ATP2C2: variants seen among roughly 807,000 people sequenced by gnomAD.
ATP2C2 encodes the protein ATPase secretory pathway Ca2+ transporting 2, also known as calcium-transporting ATPase type 2C member 2.
In ATP2C2, 171 loss-of-function variants were observed where a neutral mutation model predicts 110.8. The ratio of observed to expected loss-of-function variants is 1.54; its 90% CI spans 1.36 to 1.75. The LOEUF is 1.75. Ranked by LOEUF, ATP2C2 falls within the 40% of genes most tolerant of loss-of-function variation. The pLI, the probability that ATP2C2 is intolerant of heterozygous loss-of-function variation, is 0.00. For missense variants in ATP2C2, 1,963 were observed against 1,235.0 expected (o/e 1.59, Z -8.84); for synonymous variants, 804 against 508.4 (o/e 1.58, Z -7.82).
intron 15 of ATP2C2, among the ~76,000 whole-genome samples, chr16:84,444,805 C>G (rs1909595880): frequency 1.3e-5 from 2 of 152,222 alleles, no homozygotes. Context: ...GAATACAGAA[C>G]AAACACTGGC....
rs1328851959 is a variant in ATP2C2 at position 84,384,065 on chromosome 16, A to C, written c.100-14434A>C. Among the ~76,000 whole-genome samples the C allele has an allele frequency of 3.3e-5, 5 of 152,156 alleles. No individual in the cohort carries two copies. The East Asian group carries it at 7.7e-4, about 23-fold the overall frequency. On this transcript the variant is annotated intron_variant, in intron 1 of 26. Transcript: ENST00000262429. ...CAGCCTCCCAAAGTGCTGGGATTAT[A>C]GGTGTCAGCCACTGTGCCCAGCCTA...
At chr16:84,403,571 G>A (rs1205449062) in intron 2 of ATP2C2, among the ~76,000 whole-genome samples, 2 of 152,178 alleles carry the variant, frequency 1.3e-5, no homozygotes, top group Non-Finnish European at 2.9e-5. Context: ...ACCTCCTGAA[G>A]TTTTGGGATT....
intron 7 of ATP2C2, 51 bp from the exon 8 acceptor site, chr16:84,422,339 A>G (rs1280031397): frequency 1.3e-6 from 2 of 1,581,652 alleles, no homozygotes; most frequent in Non-Finnish European, 8.6e-7. Context: ...TTTAACACCA[A>G]TTCTCGGGGT....
At chr16:84,383,219 G>A (rs959326889) in intron 1 of ATP2C2, among the ~76,000 whole-genome samples, 1 of 152,228 alleles carries the variant, frequency 6.6e-6, no homozygotes, top group South Asian at 2.1e-4. Context: ...GTGTGAATCA[G>A]TGCCAGGGAG....
intron 1 of ATP2C2, among the ~76,000 whole-genome samples, chr16:84,398,083 T>C (rs9788884): frequency 0.19 from 28,289 of 151,470 alleles, 3,117 homozygotes; most frequent in Non-Finnish European, 0.24. Context: ...ATATGCACAC[T>C]GTGTGTGTGT....
At chr16:84,449,274 A>G (rs1031421366) in intron 17 of ATP2C2, among the ~76,000 whole-genome samples, 1 of 152,206 alleles carries the variant, frequency 6.6e-6, no homozygotes, top group Non-Finnish European at 1.5e-5. Context: ...TTCGGGGAAC[A>G]GAGTTTGTAG....
chr16:84,461,539 C>G (rs1261056014), intron 24 of ATP2C2, 175 bp from the exon 25 acceptor site: 1 of 682,964 alleles, frequency 1.5e-6, no homozygotes, highest in Non-Finnish European at 2.6e-6. Flanking sequence ...GCTGGGGAGA[C>G]CCTGGGGTAG....
intron 1 of ATP2C2, among the ~76,000 whole-genome samples, chr16:84,383,786 G>GTTT (rs753992042): frequency 2.3e-5 from 2 of 85,648 alleles, no homozygotes; most frequent in Non-Finnish European, 5.3e-5. Context: ...TGGTTTTGTT[G>GTTT]GTTTTTTTTT....
intron 26 of ATP2C2, 119 bp downstream of exon 26, chr16:84,462,248 G>GCGGCAGCTGCCAGGTGGGGAGCTGCA: frequency 7.4e-7 from 1 of 1,354,746 alleles, no homozygotes. Flanking sequence ...GCTCACCAGG[G>GCGGCAGCTGCCAGGTGGGGAGCTGCA]GCCGGCTCTG....
At chr16:84,429,182 A>C (rs1298629076) in intron 11 of ATP2C2, among the ~76,000 whole-genome samples, 1 of 151,252 alleles carries the variant, frequency 6.6e-6, no homozygotes, top group Non-Finnish European at 1.5e-5. Context: ...ACAGAGTTTC[A>C]CTCTTGTCGC....
intron 7 of ATP2C2, among the ~76,000 whole-genome samples, chr16:84,420,099 C>T (rs532564148): frequency 1.1e-4 from 17 of 152,292 alleles, no homozygotes; most frequent in Admixed American, 8.5e-4. Context: ...CCTATCTCAT[C>T]CCGGAGGTCT....
chr16:84,447,656 G>T (rs1015469085), intron 16 of ATP2C2, among the ~76,000 whole-genome samples: 2 of 135,736 alleles, frequency 1.5e-5, no homozygotes, highest in African/African-American at 6.3e-5. Flanking sequence ...TATATAATAT[G>T]TAATATATAT....
chr16:84,412,178 C>G (rs1906372995), intron 6 of ATP2C2, among the ~76,000 whole-genome samples: 1 of 152,130 alleles, frequency 6.6e-6, no homozygotes, highest in African/African-American at 2.4e-5. Context: ...GCCACCACAC[C>G]TGACTACTTT....
chr16:84,376,447 T>G (rs1910253726), intron 1 of ATP2C2, among the ~76,000 whole-genome samples: 1 of 152,168 alleles, frequency 6.6e-6, no homozygotes, highest in African/African-American at 2.4e-5. Flanking sequence ...AGACCAAGTG[T>G]GTTCAACCTG....
chr16:84,459,807 C>G (rs1257838266), intron 23 of ATP2C2: 10 of 506,632 alleles, frequency 2.0e-5, no homozygotes, highest in Non-Finnish European at 2.9e-5. Flanking sequence ...TGTGATCTGT[C>G]TCCCCTTTAG....
chr16:84,383,962 G>T (rs947823253), intron 1 of ATP2C2, among the ~76,000 whole-genome samples: 15 of 151,678 alleles, frequency 9.9e-5, no homozygotes, highest in African/African-American at 3.6e-4. Context: ...GCTAATTTTT[G>T]TATTGTTGTA....
chr16:84,420,313 A>T (rs1031525162), intron 7 of ATP2C2, among the ~76,000 whole-genome samples: 3 of 152,040 alleles, frequency 2.0e-5, no homozygotes, highest in African/African-American at 7.2e-5. Context: ...TCTCTGGCCT[A>T]TCGGAGGATA....
chr16:84,458,292 A>G (rs1395822197), intron 21 of ATP2C2, among the ~76,000 whole-genome samples: 1 of 107,600 alleles, frequency 9.3e-6, no homozygotes, highest in African/African-American at 3.6e-5. Flanking sequence ...GGAATTGAAC[A>G]ATGAGATCAC....
At chr16:84,425,980 G>A (rs1217666148) in intron 11 of ATP2C2, 179 bp downstream of exon 11, 7 of 663,562 alleles carry the variant, frequency 1.1e-5, no homozygotes, top group Admixed American at 2.7e-5. Flanking sequence ...AGTGCCCGGC[G>A]AATGCTTGCA....
Sources: allele counts gnomAD v4.1 joint callset (sites outside exome capture counted in the v4.1 genomes callset), GRCh38; gene constraint gnomAD v4.1.1; transcripts MANE v1.5; gene names NCBI Gene and HGNC (gene_info 2026-07-23, HGNC 2026-07-21).